Variants in ZBTB2 observed in about 807,000 individuals in gnomAD.
ZBTB2 encodes the protein zinc finger and BTB domain-containing protein 2.
A neutral mutation model predicts 39.5 loss-of-function variants in ZBTB2; 2 were observed. The ratio of observed to expected loss-of-function variants is 0.05; its 90% CI spans 0.02 to 0.16. ZBTB2 has a LOEUF of 0.16. ZBTB2 is among the 10% of genes least tolerant of loss of function. ZBTB2 has a pLI of 1.00. For synonymous variants in ZBTB2, 251 were observed against 256.6 expected, an observed-to-expected ratio of 0.98 and a Z score of 0.21; for missense variants, 391 against 653.0, an observed-to-expected ratio of 0.60 and a Z score of 4.37.
At chr6:151,375,647 C>T (rs1397721685) in intron 1 of ZBTB2, among the ~76,000 whole-genome samples, 2 of 152,200 alleles carry the variant, frequency 1.3e-5, no homozygotes, top group Non-Finnish European at 2.9e-5. Context: ...ACCTCCATCT[C>T]CTGGGTTCAA....
intron 1 of ZBTB2, among the ~76,000 whole-genome samples, chr6:151,377,672 T>A (rs1778945511): frequency 2.0e-5 from 3 of 151,690 alleles, no homozygotes; most frequent in African/African-American, 7.3e-5. Context: ...CCCGAGTAGT[T>A]GGGACTACAA....
chr6:151,389,748 T>C (rs1286499370), intron 1 of ZBTB2, among the ~76,000 whole-genome samples: 1 of 151,786 alleles, frequency 6.6e-6, no homozygotes, highest in Non-Finnish European at 1.5e-5. Context: ...CAAGGCATAA[T>C]TAGGAGTTCA....
At chr6:151,383,392 C>A (rs1340809059) in intron 1 of ZBTB2, among the ~76,000 whole-genome samples, 1 of 152,114 alleles carries the variant, frequency 6.6e-6, no homozygotes, top group African/African-American at 2.4e-5. Context: ...ACGAATGGAT[C>A]ATCAAGGGTC....
intron 1 of ZBTB2, among the ~76,000 whole-genome samples, chr6:151,390,535 G>A (rs1779268529): frequency 6.6e-6 from 1 of 150,580 alleles, no homozygotes; most frequent in Non-Finnish European, 1.5e-5. Context: ...CAGCCCCGGC[G>A]CCGGGGGCGG....
chr6:151,366,963 AAATG>A lies in ZBTB2; in HGVS notation c.174-75_174-72del, dbSNP rs1420852433. ...GTGTTAACATAAAGCCTGAAGAAAA[AAATG>A]AATGCTTAAAAACAAAGGAAACAAC... On this transcript the variant is annotated intron_variant, in intron 2 of 2. Coordinates refer to ENST00000325144, the MANE Select transcript of ZBTB2 (RefSeq NM_020861.3). The surrounding 1 kb of genome is among the most constrained non-coding windows in gnomAD (Gnocchi z 7.1). 6.9e-7 allele frequency: 1 copy of A among 1,445,976 alleles called. No individual in the cohort carries two copies. Among genetic ancestry groups the A allele is most frequent in the African/African-American group, 1.4e-5 (1 of 70,360 alleles). The allele number at this position is 1,445,976 out of a possible 1,614,324, so 89.6% of individuals were successfully genotyped here. A position where few individuals can be genotyped will look rare whatever the true frequency, so the allele number is the denominator to read the frequency against.
intron 2 of ZBTB2, among the ~76,000 whole-genome samples, chr6:151,370,930 C>T (rs866189721): frequency 6.6e-6 from 1 of 152,218 alleles, no homozygotes; most frequent in Non-Finnish European, 1.5e-5. Flanking sequence ...TATCACACCT[C>T]CTTGTTAGAA....
intron 2 of ZBTB2, among the ~76,000 whole-genome samples, chr6:151,367,386 G>A (rs1218340691): frequency 3.9e-5 from 6 of 152,192 alleles, no homozygotes; most frequent in Non-Finnish European, 8.8e-5. Context: ...CTCCCAAAGT[G>A]CTGGGATTAT....
At chr6:151,380,093 A>C (rs1778998896) in intron 1 of ZBTB2, among the ~76,000 whole-genome samples, 2 of 152,184 alleles carry the variant, frequency 1.3e-5, no homozygotes, top group African/African-American at 4.8e-5. Context: ...ACTGAACATA[A>C]GCATTCAAAT....
intron 1 of ZBTB2, among the ~76,000 whole-genome samples, chr6:151,382,873 A>G (rs1484125573): frequency 6.6e-6 from 1 of 151,716 alleles, no homozygotes; most frequent in South Asian, 2.1e-4. Flanking sequence ...ATATTTTTCT[A>G]ATGCAAACAA....
chr6:151,385,461 C>T lies in ZBTB2; in HGVS notation c.-13+5959G>A, dbSNP rs371810433. On this transcript the variant is annotated intron_variant, in intron 1 of 2. Transcript: ENST00000325144. ...GAAGTGCAGAAGAATGGGGCACATA[C>T]AATTATGTTGTATTTTGACAACCTA... Among the ~76,000 whole-genome samples the T allele has an allele frequency of 5.6e-4, 86 of 152,272 alleles. 1 individual carries two copies. In the South Asian group the frequency reaches 9.5e-3, roughly 17 times the overall value.
intron 2 of ZBTB2, among the ~76,000 whole-genome samples, 198 bp from the exon 3 acceptor site, chr6:151,367,090 G>T (rs558551604): frequency 2.0e-5 from 3 of 151,890 alleles, no homozygotes; most frequent in Non-Finnish European, 4.4e-5. Flanking sequence ...TTAATCCACA[G>T]ATTCTTAGAG....
chr6:151,382,991 T>C (rs903329005), intron 1 of ZBTB2, among the ~76,000 whole-genome samples: 1 of 151,842 alleles, frequency 6.6e-6, no homozygotes, highest in Non-Finnish European at 1.5e-5. Context: ...AGTGGTGTGA[T>C]CTCAGCTCAC....
intron 1 of ZBTB2, among the ~76,000 whole-genome samples, chr6:151,390,350 C>G (rs1320763284): frequency 6.8e-6 from 1 of 147,556 alleles, no homozygotes; most frequent in African/African-American, 2.5e-5. Flanking sequence ...GCCCCGCCCC[C>G]TCCCTGTCCC....
chr6:151,382,787 C>A (rs560955869), intron 1 of ZBTB2, among the ~76,000 whole-genome samples: 6 of 150,942 alleles, frequency 4.0e-5, no homozygotes, highest in African/African-American at 1.2e-4. Context: ...AATTCCTGAC[C>A]TCAGGTGATC....
At chr6:151,382,337 C>T (rs1779052221) in intron 1 of ZBTB2, among the ~76,000 whole-genome samples, 1 of 149,936 alleles carries the variant, frequency 6.7e-6, no homozygotes, top group South Asian at 2.1e-4. Flanking sequence ...CTCACCACAA[C>T]CTCCGCCTCC....
intron 1 of ZBTB2, among the ~76,000 whole-genome samples, chr6:151,389,918 C>T (rs1779246026): frequency 6.6e-6 from 1 of 152,126 alleles, no homozygotes. Context: ...CTAAAAAGTT[C>T]TCTCTTGCGG....
intron 2 of ZBTB2, among the ~76,000 whole-genome samples, chr6:151,367,293 G>T (rs1189947390): frequency 6.6e-6 from 1 of 152,064 alleles, no homozygotes; most frequent in African/African-American, 2.4e-5. Flanking sequence ...GTTAATTTTT[G>T]TATTTTTAAT....
rs1778830490 is a variant in ZBTB2, at chr6:151,373,445, T to G, written c.173+20A>C. On this transcript the variant is annotated intron_variant, in intron 2 of 2. Coordinates refer to ENST00000325144, the MANE Select transcript of ZBTB2 (RefSeq NM_020861.3). ...TAAGAAGTCTACAGTCATTAGGTTATTAGCAACCACTTTAGTTACCTGGTC... is the reference window on the plus strand; with the variant it reads ...TAAGAAGTCTACAGTCATTAGGTTAGTAGCAACCACTTTAGTTACCTGGTC... 1 of 1,613,800 alleles carries G rather than the reference T, an allele frequency of 6.2e-7. No individual in the cohort carries two copies. The highest frequency in any genetic ancestry group is 1.3e-5 in the African/African-American group (1 of 74,896).
In ZBTB2 at chr6:151,365,767, T is replaced by A. The variant is rs781320770; in HGVS notation, c.1299A>T (p.Glu433Asp). 6.2e-7 allele frequency: 1 copy of A among 1,614,118 alleles called. No homozygotes were observed. Among genetic ancestry groups the A allele is most frequent in the East Asian group, 2.2e-5 (1 of 44,896 alleles). Residue 433 changes from glutamate to aspartate, a missense_variant, in exon 3 of 3, where the codon GAA (glutamate) becomes GAT (aspartate). Coordinates refer to ENST00000325144, the MANE Select transcript of ZBTB2 (RefSeq NM_020861.3). This position sits in a 1 kb window ranked among gnomAD's most constrained non-coding sequence, Gnocchi z 5.6. ...KQTLELCTFEEGSQMDNMLVQ... is the reference protein window; with the variant it reads ...KQTLELCTFEDGSQMDNMLVQ... ...CCAGCATGTTGTCCATCTGACTCCC[T>A]TCCTCAAATGTGCAGAGTTCCAGAG... is the stretch of plus-strand genomic sequence containing the variant.
Sources: gnomAD v4.1 joint callset for allele counts (sites outside exome capture counted in the v4.1 genomes callset) on GRCh38, gnomAD v4.1.1 for gene constraint, Gnocchi (gnomAD v3.1) non-coding constraint, MANE v1.5 for transcripts, NCBI Gene and HGNC (gene_info 2026-07-23, HGNC 2026-07-21) for gene names.